Variants in SFXN4 observed in about 807,000 individuals in gnomAD.
SFXN4 encodes sideroflexin 4.
A neutral mutation model predicts 54.6 loss-of-function variants in SFXN4; 48 were observed. The ratio of observed to expected loss-of-function variants is 0.88; its 90% CI spans 0.70 to 1.12. The LOEUF (loss-of-function observed/expected upper bound fraction) is 1.12, where lower values mean the gene tolerates loss of function less well. Ranked by LOEUF, SFXN4 falls within the 50% of genes most tolerant of loss-of-function variation. The pLI, the probability that SFXN4 is intolerant of heterozygous loss-of-function variation, is 0.00. For synonymous variants in SFXN4, 130 were observed against 145.5 expected, an observed-to-expected ratio of 0.89 and a Z score of 0.77; for missense variants, 383 against 409.2, an observed-to-expected ratio of 0.94 and a Z score of 0.55.
At chr10:119,165,153 G>T in intron 1 of SFXN4, 1 of 995,868 alleles carries the variant, frequency 1.0e-6, no homozygotes. Context: ...CCTGCCCAAG[G>T]GTGGCTTCCC....
intron 6 of SFXN4, 95 bp from the exon 7 acceptor site, chr10:119,158,157 C>T (rs557035083): frequency 4.2e-6 from 5 of 1,190,038 alleles, no homozygotes; most frequent in Non-Finnish European, 6.3e-6. Flanking sequence ...GAGAATTGAG[C>T]CCCCAAGGAG....
chr10:119,141,599 C>G (rs971548296), intron 13 of SFXN4, among the ~76,000 whole-genome samples: 1 of 151,456 alleles, frequency 6.6e-6, no homozygotes, highest in Non-Finnish European at 1.5e-5. Flanking sequence ...CAACCTCCAC[C>G]CTCCAAGTTC....
intron 2 of SFXN4, among the ~76,000 whole-genome samples, chr10:119,163,000 A>G (rs1001459712): frequency 6.6e-6 from 1 of 152,018 alleles, no homozygotes; most frequent in African/African-American, 2.4e-5. Context: ...GTCTCGCTAC[A>G]TTGCCCAGGC....
chr10:119,162,430 A>G lies in SFXN4; in HGVS notation c.178-16T>C, dbSNP rs1444763571. The G allele has an allele frequency of 5.7e-6, 9 of 1,584,766 alleles. No homozygotes were observed. The South Asian group carries it at 9.9e-5, about 18-fold the overall frequency. ...CTATACTTTCCTAAAATCAGATATC[A>G]AGTAATCAAGTAATGATCTCAACAT... On this transcript the variant is annotated splice_polypyrimidine_tract_variant and intron_variant, in intron 2 of 13. Coordinates refer to ENST00000355697, the MANE Select transcript of SFXN4 (RefSeq NM_213649.2).
rs201403142 is a variant in SFXN4 at position 119,156,665 on chromosome 10, C to T, written c.616+13G>A. The stretch of plus-strand genomic sequence containing the variant: ...CCCCACCCAGACTGCAGCCTCCAGC[C>T]CTTCCTGCTCACCGAGGAAGATCAC... On this transcript the variant is annotated intron_variant, in intron 10 of 13. Transcript: ENST00000355697. The T allele has an allele frequency of 6.2e-7, 1 of 1,600,366 alleles. No individual in the cohort carries two copies. Among genetic ancestry groups the T allele is most frequent in the African/African-American group, 1.3e-5 (1 of 74,756 alleles).
At chr10:119,162,780 CT>C (rs1847609361) in intron 2 of SFXN4, among the ~76,000 whole-genome samples, 1 of 144,242 alleles carries the variant, frequency 6.9e-6, no homozygotes, top group Non-Finnish European at 1.6e-5. Context: ...TATTTCCTCT[CT>C]TTTTCTTTCT....
intron 10 of SFXN4, among the ~76,000 whole-genome samples, 175 bp downstream of exon 10, chr10:119,156,503 T>G (rs565725862): frequency 6.6e-6 from 1 of 152,298 alleles, no homozygotes; most frequent in Admixed American, 6.5e-5. Context: ...CTACAGAAAG[T>G]GTCACCTCTC....
chr10:119,163,226 CT>C (rs920208964), intron 2 of SFXN4, among the ~76,000 whole-genome samples: 3 of 141,088 alleles, frequency 2.1e-5, no homozygotes, highest in Non-Finnish European at 4.7e-5. Flanking sequence ...ATTACATTTT[CT>C]TTCTTCTTTT....
At chr10:119,151,596 A>G (rs1847072047) in intron 11 of SFXN4, among the ~76,000 whole-genome samples, 1 of 149,920 alleles carries the variant, frequency 6.7e-6, no homozygotes, top group South Asian at 2.1e-4. Context: ...GCTCACTGCA[A>G]CCTCTGCCTC....
intron 1 of SFXN4, chr10:119,165,326 G>A: frequency 3.1e-6 from 4 of 1,287,130 alleles, no homozygotes; most frequent in Non-Finnish European, 3.9e-6. Flanking sequence ...TTGTGGTCGT[G>A]GGCATCTGGC....
At chr10:119,148,702 C>T (rs1846925832) in intron 11 of SFXN4, among the ~76,000 whole-genome samples, 2 of 152,158 alleles carry the variant, frequency 1.3e-5, no homozygotes, top group Non-Finnish European at 2.9e-5. Context: ...GTGTTATGTA[C>T]AGGTTATAAC....
intron 3 of SFXN4, among the ~76,000 whole-genome samples, chr10:119,161,428 A>AAC (rs1232217097): frequency 2.6e-5 from 3 of 115,894 alleles, no homozygotes; most frequent in Admixed American, 8.4e-5. Flanking sequence ...CAACAACAAC[A>AAC]AAAAAAAACA....
chr10:119,143,362 C>G (rs1166858091), intron 13 of SFXN4, among the ~76,000 whole-genome samples: 1 of 151,932 alleles, frequency 6.6e-6, no homozygotes, highest in African/African-American at 2.4e-5. Context: ...TGCCGCTTCA[C>G]CCTACTAATT....
At position 119,146,463 on chromosome 10, in the gene SFXN4, A is replaced by G. The variant is rs61874341; in HGVS notation, c.819-110T>C. On this transcript the variant is annotated intron_variant, in intron 12 of 13. Transcript: ENST00000355697. ...TGTGTGTGTGTGTGTGTGTGTGTGC[A>G]CGTGTGTGTGTACCTGAACACCTGG... 192,755 of 526,308 alleles carry G rather than the reference A, an allele frequency of 0.37. 35,340 individuals are homozygous for G. Among genetic ancestry groups the G allele is most frequent in the South Asian group, 0.42 (15,478 of 36,484 alleles). The allele number at this position is 526,308 out of a possible 1,614,324, so 32.6% of individuals were successfully genotyped here.
rs186413707 is a variant in SFXN4, at chr10:119,158,447, G to A, written c.361-385C>T. ...AGCCTGGCCAACATGGTGAAACCCC[G>A]TCTCTACGAAAAACAGAAATTAGCC... On this transcript the variant is annotated intron_variant, in intron 6 of 13. Transcript: ENST00000355697. Among the ~76,000 whole-genome samples the A allele has an allele frequency of 1.9e-4, 29 of 150,728 alleles. No homozygotes were observed. In the East Asian group the frequency reaches 4.6e-3, roughly 24 times the overall value.
intron 10 of SFXN4, among the ~76,000 whole-genome samples, chr10:119,156,412 G>T: frequency 6.6e-6 from 1 of 152,190 alleles, no homozygotes; most frequent in East Asian, 1.9e-4. Flanking sequence ...CTGGGTGACA[G>T]AGCAAGACTC....
At chr10:119,163,962 C>G (rs969019343) in intron 2 of SFXN4, among the ~76,000 whole-genome samples, 169 bp downstream of exon 2, 1 of 148,856 alleles carries the variant, frequency 6.7e-6, no homozygotes, top group Non-Finnish European at 1.5e-5. Flanking sequence ...ATCGCTTGAA[C>G]CTGGGAGGTA....
intron 9 of SFXN4, 146 bp downstream of exon 9, chr10:119,157,522 G>T: frequency 1.6e-6 from 1 of 619,398 alleles, no homozygotes; most frequent in South Asian, 2.3e-5. Context: ...TGATTATTTT[G>T]GGATAATACA....
chr10:119,158,991 A>G (rs1271016604), intron 6 of SFXN4, among the ~76,000 whole-genome samples: 1 of 151,404 alleles, frequency 6.6e-6, no homozygotes, highest in African/African-American at 2.4e-5. Flanking sequence ...TTAAAAAACA[A>G]AAAACGGTCC....
Sources: gnomAD v4.1 joint callset for allele counts (sites outside exome capture counted in the v4.1 genomes callset) on GRCh38, gnomAD v4.1.1 for gene constraint, MANE v1.5 for transcripts, NCBI Gene and HGNC (gene_info 2026-07-23, HGNC 2026-07-21) for gene names.